The following RUNX2 variants were observed in gnomAD, a reference collection of about 807,000 sequenced individuals.
RUNX2 encodes the protein runt-related transcription factor 2.
In RUNX2, 10 loss-of-function variants were observed where a neutral mutation model predicts 51.7. The ratio of observed to expected loss-of-function variants is 0.19; its 90% CI spans 0.12 to 0.33. The LOEUF (loss-of-function observed/expected upper bound fraction) is 0.33, where lower values mean the gene tolerates loss of function less well. RUNX2 is among the 10% of genes least tolerant of loss of function. The pLI is 1.00. For missense variants in RUNX2, 562 were observed against 691.3 expected (o/e 0.81, Z 2.10); for synonymous variants, 276 against 273.6 (o/e 1.01, Z -0.09).
At chr6:45,501,714 C>T (rs994755486) in intron 6 of RUNX2, among the ~76,000 whole-genome samples, 8 of 152,222 alleles carry the variant, frequency 5.3e-5, no homozygotes, top group Admixed American at 2.6e-4. Context: ...GCCTTCTAAT[C>T]TATTGCTTTA....
At chr6:45,491,872 A>G in intron 5 of RUNX2, 69 bp from the exon 6 acceptor site, 1 of 1,491,160 alleles carries the variant, frequency 6.7e-7, no homozygotes, top group South Asian at 1.1e-5. Context: ...GTATGTTCAC[A>G]TATCTATTTA....
chr6:45,402,147 T>G (rs912740010), intron 2 of RUNX2, among the ~76,000 whole-genome samples: 1 of 152,258 alleles, frequency 6.6e-6, no homozygotes, highest in Non-Finnish European at 1.5e-5. Context: ...CCATGTTTGT[T>G]TGCCACTTCA....
chr6:45,429,068 T>C (rs1007735719), intron 3 of RUNX2, among the ~76,000 whole-genome samples: 1 of 152,244 alleles, frequency 6.6e-6, no homozygotes, highest in Non-Finnish European at 1.5e-5. Flanking sequence ...CACATCATTA[T>C]AATTACACTC....
chr6:45,528,336 T>G (rs1360693502), intron 7 of RUNX2, among the ~76,000 whole-genome samples: 5 of 152,108 alleles, frequency 3.3e-5, no homozygotes, highest in African/African-American at 1.2e-4. Context: ...AAAATGCACT[T>G]TAGGTCAGGC....
At chr6:45,495,830 C>T (rs1800628103) in intron 6 of RUNX2, among the ~76,000 whole-genome samples, 1 of 152,192 alleles carries the variant, frequency 6.6e-6, no homozygotes, top group African/African-American at 2.4e-5. Context: ...TCTTGCAGTT[C>T]CTAGGACCAA....
chr6:45,365,362 A>G, intron 2 of RUNX2: 2 of 1,132,574 alleles, frequency 1.8e-6, no homozygotes, highest in South Asian at 1.4e-5. Flanking sequence ...AATGCAAAAA[A>G]AAAAGAAAGC....
At chr6:45,401,310 T>G (rs1246255018) in intron 2 of RUNX2, among the ~76,000 whole-genome samples, 1 of 152,224 alleles carries the variant, frequency 6.6e-6, no homozygotes. Flanking sequence ...AAAGACTTCC[T>G]TAAGAATTCT....
chr6:45,497,641 G>C lies in RUNX2; in HGVS notation c.859+5527G>C, dbSNP rs144918617. Among the ~76,000 whole-genome samples, 32 of 152,146 alleles carry C rather than the reference G, an allele frequency of 2.1e-4. No homozygotes were observed. In the East Asian group the frequency reaches 3.9e-3, roughly 18 times the overall value. On this transcript the variant is annotated intron_variant, in intron 6 of 8. Coordinates refer to ENST00000647337, the MANE Select transcript of RUNX2 (RefSeq NM_001024630.4). ...ACCTATCCAAGCAGAGTCGAATCAGGCTCCCGTGCCACCTTGTACAACCCT... is the reference window on the plus strand; with the variant it reads ...ACCTATCCAAGCAGAGTCGAATCAGCCTCCCGTGCCACCTTGTACAACCCT...
chr6:45,539,736 T>C (rs1802158063), intron 7 of RUNX2, among the ~76,000 whole-genome samples: 1 of 152,242 alleles, frequency 6.6e-6, no homozygotes, highest in Admixed American at 6.5e-5. Context: ...TTGGTAGTAA[T>C]TCATCTGCTT....
chr6:45,504,179 A>G (rs1800886265), intron 6 of RUNX2, among the ~76,000 whole-genome samples: 1 of 152,168 alleles, frequency 6.6e-6, no homozygotes, highest in Non-Finnish European at 1.5e-5. Flanking sequence ...AGCAGACATG[A>G]GCCAGATGCT....
intron 3 of RUNX2, among the ~76,000 whole-genome samples, chr6:45,428,183 A>G (rs3805818): frequency 0.08 from 12,130 of 152,174 alleles, 707 homozygotes; most frequent in South Asian, 0.18. Flanking sequence ...TTTTGACTGC[A>G]CTTTACCCCT....
At chr6:45,413,672 G>A (rs558170536) in intron 2 of RUNX2, among the ~76,000 whole-genome samples, 38 of 152,020 alleles carry the variant, frequency 2.5e-4, no homozygotes, top group Admixed American at 1.8e-3. Flanking sequence ...CTTGTGATCC[G>A]CCAGCCTTGG....
intron 2 of RUNX2, among the ~76,000 whole-genome samples, chr6:45,407,839 G>T (rs1306108324): frequency 6.6e-6 from 1 of 151,744 alleles, no homozygotes; most frequent in African/African-American, 2.4e-5. Flanking sequence ...TTTTGCTTTA[G>T]AGTCTCAATT....
At chr6:45,349,680 C>T (rs919998530) in intron 2 of RUNX2, among the ~76,000 whole-genome samples, 3 of 152,162 alleles carry the variant, frequency 2.0e-5, no homozygotes, top group African/African-American at 7.2e-5. Flanking sequence ...CATCAATTTG[C>T]TGCTCTTTAT....
At chr6:45,471,415 T>G (rs1406746752) in intron 5 of RUNX2, among the ~76,000 whole-genome samples, 1 of 151,748 alleles carries the variant, frequency 6.6e-6, no homozygotes, top group Non-Finnish European at 1.5e-5. Context: ...AAGTGGTACC[T>G]ACATCCCTCG....
At chr6:45,385,207 C>A (rs772301707) in intron 2 of RUNX2, among the ~76,000 whole-genome samples, 2 of 152,146 alleles carry the variant, frequency 1.3e-5, no homozygotes, top group Admixed American at 1.3e-4. Flanking sequence ...AGCAAAGGTA[C>A]TATGATAATA....
intron 4 of RUNX2, among the ~76,000 whole-genome samples, chr6:45,436,173 T>C (rs1007266694): frequency 6.6e-6 from 1 of 152,216 alleles, no homozygotes; most frequent in African/African-American, 2.4e-5. Flanking sequence ...CATTAGTCCA[T>C]TTATGTTTAC....
chr6:45,397,922 T>G (rs1797617544), intron 2 of RUNX2, among the ~76,000 whole-genome samples: 1 of 152,252 alleles, frequency 6.6e-6, no homozygotes, highest in African/African-American at 2.4e-5. Context: ...GGATCTTATC[T>G]CATTTTAGTG....
chr6:45,402,932 C>T (rs1705422378), intron 2 of RUNX2, among the ~76,000 whole-genome samples: 1 of 152,074 alleles, frequency 6.6e-6, no homozygotes, highest in South Asian at 2.1e-4. Flanking sequence ...TTAATAGTCC[C>T]TTTTTGGAAA....
Sources: gnomAD v4.1 joint callset for allele counts (sites outside exome capture counted in the v4.1 genomes callset) on GRCh38, gnomAD v4.1.1 for gene constraint, MANE v1.5 for transcripts, NCBI Gene and HGNC (gene_info 2026-07-23, HGNC 2026-07-21) for gene names.